The following SPTAN1 variants were observed in gnomAD, a reference collection of about 807,000 sequenced individuals.
SPTAN1 encodes the protein spectrin alpha chain, non-erythrocytic 1.
SPTAN1 carries 61 observed loss-of-function variants against 331.3 expected under a neutral mutation model. The ratio of observed to expected loss-of-function variants is 0.18; its 90% CI spans 0.15 to 0.23. The LOEUF (loss-of-function observed/expected upper bound fraction) is 0.23. SPTAN1 is among the 10% of genes least tolerant of loss of function. SPTAN1 has a pLI of 1.00. For missense variants in SPTAN1, 2,043 were observed against 3,147.9 expected (o/e 0.65, Z 8.40); for synonymous variants, 1,153 against 1,173.9 (o/e 0.98, Z 0.36).
chr9:128,560,873 G>A (rs141473604), intron 1 of SPTAN1, among the ~76,000 whole-genome samples: 4 of 151,610 alleles, frequency 2.6e-5, no homozygotes, highest in South Asian at 2.1e-4. Context: ...AAAATTAGTC[G>A]CGTGTGGTGG....
intron 42 of SPTAN1, 50 bp from the exon 43 acceptor site, chr9:128,617,934 CAGA>C: frequency 6.2e-7 from 1 of 1,613,970 alleles, no homozygotes; most frequent in Non-Finnish European, 8.5e-7. Flanking sequence ...AGCTTCGAGA[CAGA>C]AGCACCAGAA....
chr9:128,559,106 C>T (rs1257581949), intron 1 of SPTAN1, among the ~76,000 whole-genome samples: 1 of 152,140 alleles, frequency 6.6e-6, no homozygotes, highest in Non-Finnish European at 1.5e-5. Flanking sequence ...CCCAGCTCCC[C>T]AGAGACAGCC....
intron 1 of SPTAN1, among the ~76,000 whole-genome samples, chr9:128,560,035 G>A (rs555061899): frequency 6.7e-6 from 1 of 148,302 alleles, no homozygotes; most frequent in Admixed American, 6.8e-5. Flanking sequence ...CTGCCTGGCC[G>A]ATAATTTTGA....
Position 128,595,336 on chromosome 9 carries a change from C to G in SPTAN1, c.3414+963C>G, listed in dbSNP as rs369731494. Among the ~76,000 whole-genome samples, 8 of 152,282 alleles carry G rather than the reference C, an allele frequency of 5.3e-5. No homozygotes were observed. In the East Asian group the frequency reaches 1.5e-3, roughly 29 times the overall value. ...TGTTGGCCAGCCTGGTCTTGAACTC[C>G]TGGCCTCAAGTGATCTGCCCACCTC... On this transcript the variant is annotated intron_variant, in intron 24 of 56. Coordinates refer to ENST00000372739, the MANE Select transcript of SPTAN1 (RefSeq NM_001130438.3).
In SPTAN1 at chr9:128,632,711, C is replaced by A; in HGVS notation, c.7153C>A (p.Pro2385Thr). The A allele has an allele frequency of 6.2e-7, 1 of 1,613,966 alleles. No homozygotes were observed. Among genetic ancestry groups the A allele is most frequent in the Non-Finnish European group, 8.5e-7 (1 of 1,180,024 alleles). ...CGAGGCAATCCTGGACACGGTGGAT[C>A]CGAACAGGTAAATTAATTAAGGCCA... ...EFEAILDTVDPNRDGHVSLQE... is the reference protein window; with the variant it reads ...EFEAILDTVDTNRDGHVSLQE... The change falls in exon 55 of 57, where the codon CCG (proline) becomes ACG (threonine). Residue 2385 changes from proline (P) to threonine (T), a missense_variant. Coordinates refer to ENST00000372739, the MANE Select transcript of SPTAN1 (RefSeq NM_001130438.3).
intron 28 of SPTAN1, 67 bp from the exon 29 acceptor site, chr9:128,604,259 C>T (rs1855537147): frequency 1.3e-6 from 2 of 1,531,762 alleles, no homozygotes; most frequent in Non-Finnish European, 1.8e-6. Flanking sequence ...AGTCATTTTC[C>T]CAAAGTCTGA....
intron 1 of SPTAN1, among the ~76,000 whole-genome samples, chr9:128,560,455 A>G (rs1275873667): frequency 9.4e-5 from 14 of 148,468 alleles, no homozygotes; most frequent in Admixed American, 6.8e-4. Flanking sequence ...ATCTCAGCTC[A>G]CTGCAAACTC....
chr9:128,630,524 C>T, intron 52 of SPTAN1, 149 bp downstream of exon 52: 3 of 691,316 alleles, frequency 4.3e-6, no homozygotes, highest in Non-Finnish European at 7.6e-6. Context: ...GGGCTCTTCA[C>T]TATCTCTCTC....
At chr9:128,606,224 C>T (rs761308461) in intron 31 of SPTAN1, among the ~76,000 whole-genome samples, 8 of 149,290 alleles carry the variant, frequency 5.4e-5, no homozygotes, top group African/African-American at 9.8e-5. Flanking sequence ...ACAAACCAGC[C>T]GGGCGTGGTG....
intron 31 of SPTAN1, among the ~76,000 whole-genome samples, chr9:128,606,242 G>C (rs1409521770): frequency 1.3e-5 from 2 of 150,126 alleles, no homozygotes; most frequent in Admixed American, 6.6e-5. Context: ...GTGGCACACT[G>C]GCACACACCT....
In SPTAN1 at chr9:128,621,583, A is replaced by G. The variant is rs967544524; in HGVS notation, c.5832+327A>G. 9.7e-6 allele frequency: 4 copies of G among 413,128 alleles called. No individual in the cohort carries two copies. In the East Asian group the frequency reaches 2.1e-4, roughly 22 times the overall value. 25.6% of individuals were successfully genotyped at this position (413,128 alleles called of 1,614,324 possible). ...AATGCAAATAAGCAAAACATAAAATAAAAATTACCCATAAAGCCCCACCCT... is the reference window on the plus strand; with the variant it reads ...AATGCAAATAAGCAAAACATAAAATGAAAATTACCCATAAAGCCCCACCCT... On this transcript the variant is annotated intron_variant, in intron 45 of 56. Transcript: ENST00000372739.
At chr9:128,578,800 G>T (rs1490112833) in intron 9 of SPTAN1, among the ~76,000 whole-genome samples, 2 of 143,338 alleles carry the variant, frequency 1.4e-5, no homozygotes, top group Non-Finnish European at 3.0e-5. Flanking sequence ...TTCCACTCCC[G>T]TCCGGACAAC....
In SPTAN1 at chr9:128,566,871, A is replaced by G. The variant is rs368482631; in HGVS notation, c.131A>G (p.Tyr44Cys). Residue 44 changes from tyrosine to cysteine, a missense_variant, in exon 2 of 57, where the codon TAT becomes TGT. Around this residue, in one of 12 missense-constraint regions of SPTAN1, gnomAD observed 1,038 missense variants for 1,531.5 expected, o/e 0.68. Coordinates refer to ENST00000372739, the MANE Select transcript of SPTAN1 (RefSeq NM_001130438.3). ...AGGCGTCAGAAGCTGGAAGATTCCT[A>G]TCGATTCCAGTTCTTTCAAAGAGAT... Reference protein sequence around the residue: ...TLRRQKLEDSYRFQFFQRDAE... With the variant: ...TLRRQKLEDSCRFQFFQRDAE... 48 of 1,614,104 alleles carry G rather than the reference A, an allele frequency of 3.0e-5. No individual in the cohort carries two copies. The highest frequency in any genetic ancestry group is 6.7e-5 in the East Asian group (3 of 44,894).
intron 31 of SPTAN1, among the ~76,000 whole-genome samples, chr9:128,606,485 ATATT>A (rs1564276730): frequency 1.6e-4 from 5 of 30,854 alleles, no homozygotes; most frequent in Non-Finnish European, 2.7e-4. Flanking sequence ...ATATATATAT[ATATT>A]TTTTTTTTGG....
At chr9:128,610,062 A>C (rs1170515598) in intron 37 of SPTAN1, among the ~76,000 whole-genome samples, 1 of 152,074 alleles carries the variant, frequency 6.6e-6, no homozygotes, top group African/African-American at 2.4e-5. Flanking sequence ...TGGGTTGGGG[A>C]GGCCAGTCTG....
Position 128,582,699 on chromosome 9 carries a change from G to A in SPTAN1, c.1656G>A (p.Leu552=). The change falls in exon 14 of 57, where the codon TTG becomes TTA. Residue 552 remains leucine, a synonymous_variant. Coordinates refer to ENST00000372739, the MANE Select transcript of SPTAN1 (RefSeq NM_001130438.3). The part of the protein sequence containing the change: ...EDVATRRDAL[L]SRRNALHERA... The stretch of plus-strand genomic sequence containing the variant: ...AGGGGATCCTTGTCTTTCAGCTGTT[G>A]AGCCGCCGCAATGCCCTTCACGAGA... 1.2e-6 allele frequency: 2 copies of A among 1,613,200 alleles called. No individual in the cohort carries two copies. Among genetic ancestry groups the A allele is most frequent in the Non-Finnish European group, 1.7e-6 (2 of 1,180,026 alleles).
chr9:128,558,671 G>A (rs1848937193), intron 1 of SPTAN1, among the ~76,000 whole-genome samples: 1 of 152,164 alleles, frequency 6.6e-6, no homozygotes, highest in Non-Finnish European at 1.5e-5. Flanking sequence ...CATATGGCTG[G>A]GAACAGCCTG....
chr9:128,617,649 G>A lies in SPTAN1; in HGVS notation c.5367G>A (p.Lys1789=). The A allele has an allele frequency of 6.2e-7, 1 of 1,614,206 alleles. No homozygotes were observed. Among genetic ancestry groups the A allele is most frequent in the Non-Finnish European group, 8.5e-7 (1 of 1,180,030 alleles). ...CCCATCTCTCATTCAGGGAGAAGAAGCTGCTGGTGGGCTCAGAGGACTACG... is the reference window on the plus strand; with the variant it reads ...CCCATCTCTCATTCAGGGAGAAGAAACTGCTGGTGGGCTCAGAGGACTACG... The part of the protein sequence containing the change: ...DDEESWIKEK[K]LLVGSEDYGR... The change falls in exon 42 of 57, where the codon AAG becomes AAA. Residue 1789 remains lysine (K), a synonymous_variant. Transcript: ENST00000372739.
At chr9:128,561,135 C>T (rs1041361330) in intron 1 of SPTAN1, among the ~76,000 whole-genome samples, 27 of 151,332 alleles carry the variant, frequency 1.8e-4, no homozygotes, top group African/African-American at 4.6e-4. Context: ...TTTGGGAGGC[C>T]GAGGCGGGCG....
Sources: allele counts gnomAD v4.1 joint callset (sites outside exome capture counted in the v4.1 genomes callset), GRCh38; gene constraint gnomAD v4.1.1; regional missense constraint gnomAD v4.1.1; transcripts MANE v1.5; gene names NCBI Gene and HGNC (gene_info 2026-07-23, HGNC 2026-07-21).